The following SPAG16 variants were observed in gnomAD, a reference collection of about 807,000 sequenced individuals.
SPAG16 encodes the protein sperm-associated antigen 16 protein.
Under a neutral mutation model 80.4 loss-of-function variants are expected in SPAG16, and 86 were observed. That is an observed-to-expected ratio of 1.07 (90% confidence interval 0.90 to 1.28). The LOEUF is 1.28. Ranked by LOEUF, SPAG16 falls within the 50% of genes most tolerant of loss-of-function variation. SPAG16 has a pLI of 0.00. For synonymous variants in SPAG16, 294 were observed against 265.9 expected, an observed-to-expected ratio of 1.11 and a Z score of -1.03; for missense variants, 870 against 765.3, an observed-to-expected ratio of 1.14 and a Z score of -1.61.
In SPAG16 at chr2:213,573,229, A is replaced by G. The variant is rs546499275; in HGVS notation, c.1070+83139A>G. Reference sequence around the variant, plus strand: ...GGTCACGCTGGGAGCTGTAGACCGGAGCTGTTCCTATTCGGCCATCTTGGC... The same window carrying G: ...GGTCACGCTGGGAGCTGTAGACCGGGGCTGTTCCTATTCGGCCATCTTGGC... On this transcript the variant is annotated intron_variant, in intron 10 of 15. Transcript: ENST00000331683. Among the ~76,000 whole-genome samples the G allele has an allele frequency of 3.7e-4, 57 of 152,038 alleles. 1 individual carries two copies. In the Middle Eastern group the frequency reaches 0.01, roughly 27 times the overall value.
intron 7 of SPAG16, among the ~76,000 whole-genome samples, chr2:213,358,396 A>G (rs2065789752): frequency 6.6e-6 from 1 of 152,174 alleles, no homozygotes. Flanking sequence ...AGGTACACCA[A>G]TCAAATGTAG....
At chr2:213,416,987 T>C (rs1412631651) in intron 9 of SPAG16, among the ~76,000 whole-genome samples, 1 of 152,196 alleles carries the variant, frequency 6.6e-6, no homozygotes, top group Non-Finnish European at 1.5e-5. Context: ...GGCTCTAAGC[T>C]GTAAGTGTGG....
intron 13 of SPAG16, among the ~76,000 whole-genome samples, chr2:214,067,863 C>A (rs2050605129): frequency 6.6e-6 from 1 of 152,022 alleles, no homozygotes; most frequent in South Asian, 2.1e-4. Context: ...ACCATGTTAG[C>A]TGTAAGTGGG....
chr2:213,749,589 G>A (rs2067991362), intron 10 of SPAG16, among the ~76,000 whole-genome samples: 1 of 152,140 alleles, frequency 6.6e-6, no homozygotes, highest in Non-Finnish European at 1.5e-5. Flanking sequence ...TTCTTCACTT[G>A]AAATGAGAAT....
chr2:214,031,044 T>C (rs978875169), intron 13 of SPAG16, among the ~76,000 whole-genome samples: 4 of 152,178 alleles, frequency 2.6e-5, no homozygotes, highest in Non-Finnish European at 5.9e-5. Flanking sequence ...GTTTCCAGTT[T>C]TTCTGCTCTG....
At chr2:213,807,745 G>A (rs549738810) in intron 10 of SPAG16, among the ~76,000 whole-genome samples, 1 of 152,142 alleles carries the variant, frequency 6.6e-6, no homozygotes, top group South Asian at 2.1e-4. Context: ...TATAGTTAAG[G>A]TGTGCCTTAA....
At chr2:214,368,200 A>G (rs1699605019) in intron 15 of SPAG16, among the ~76,000 whole-genome samples, 2 of 151,996 alleles carry the variant, frequency 1.3e-5, no homozygotes, top group African/African-American at 4.8e-5. Flanking sequence ...CACTAGTTAT[A>G]TGTTTCTTTC....
intron 10 of SPAG16, among the ~76,000 whole-genome samples, chr2:213,794,353 T>C (rs998520606): frequency 1.3e-5 from 2 of 152,116 alleles, no homozygotes; most frequent in Non-Finnish European, 2.9e-5. Context: ...AATATATAAA[T>C]GACTGTTTAA....
At chr2:213,744,285 A>G (rs1370761305) in intron 10 of SPAG16, among the ~76,000 whole-genome samples, 1 of 152,128 alleles carries the variant, frequency 6.6e-6, no homozygotes, top group Admixed American at 6.5e-5. Context: ...CTGAGGATAC[A>G]GTTATATAAT....
At chr2:213,675,915 C>G (rs1207555481) in intron 10 of SPAG16, among the ~76,000 whole-genome samples, 3 of 151,906 alleles carry the variant, frequency 2.0e-5, no homozygotes, top group African/African-American at 7.3e-5. Context: ...TTTTCCAATT[C>G]TGTGAAGAAA....
chr2:213,404,151 C>T (rs1221114613), intron 9 of SPAG16, among the ~76,000 whole-genome samples: 1 of 152,170 alleles, frequency 6.6e-6, no homozygotes, highest in South Asian at 2.1e-4. Flanking sequence ...TTTATAGATT[C>T]AATGCCATCC....
At chr2:213,406,740 G>A (rs1294082599) in intron 9 of SPAG16, among the ~76,000 whole-genome samples, 4 of 152,004 alleles carry the variant, frequency 2.6e-5, no homozygotes, top group African/African-American at 4.8e-5. Context: ...TTTTATATGC[G>A]AGTGCAATTT....
intron 15 of SPAG16, among the ~76,000 whole-genome samples, chr2:214,352,541 T>C (rs1698480337): frequency 6.6e-6 from 1 of 151,376 alleles, no homozygotes; most frequent in African/African-American, 2.4e-5. Flanking sequence ...ATGCTTTTTG[T>C]CCTTGACTTT....
chr2:214,052,442 A>T (rs1001749124), intron 13 of SPAG16, among the ~76,000 whole-genome samples: 5 of 152,232 alleles, frequency 3.3e-5, no homozygotes, highest in Non-Finnish European at 7.3e-5. Flanking sequence ...CCCCTGGGGC[A>T]CAACCAATTC....
At chr2:213,414,583 C>T (rs2069151443) in intron 9 of SPAG16, among the ~76,000 whole-genome samples, 1 of 152,018 alleles carries the variant, frequency 6.6e-6, no homozygotes. Context: ...ACTGTTTTTC[C>T]CTCTAAGTCT....
chr2:214,048,394 T>G (rs997617112), intron 13 of SPAG16, among the ~76,000 whole-genome samples: 1 of 152,164 alleles, frequency 6.6e-6, no homozygotes, highest in Non-Finnish European at 1.5e-5. Flanking sequence ...AATGTCATCT[T>G]CTCACTTGCA....
At chr2:213,650,892 C>T (rs1467174159) in intron 10 of SPAG16, among the ~76,000 whole-genome samples, 1 of 152,046 alleles carries the variant, frequency 6.6e-6, no homozygotes, top group African/African-American at 2.4e-5. Flanking sequence ...CCAATTAATG[C>T]CCCAAATTTG....
At chr2:213,854,777 T>G (rs561085587) in intron 10 of SPAG16, among the ~76,000 whole-genome samples, 11 of 152,402 alleles carry the variant, frequency 7.2e-5, no homozygotes, top group African/African-American at 2.6e-4. Context: ...ACTCACATCT[T>G]ACTTCAGAGC....
intron 15 of SPAG16, among the ~76,000 whole-genome samples, chr2:214,354,688 G>T (rs1234579465): frequency 1.3e-5 from 2 of 151,120 alleles, no homozygotes; most frequent in East Asian, 1.9e-4. Flanking sequence ...GCAGTGGTTT[G>T]TAGTTCTCCT....
Sources: allele counts gnomAD v4.1 joint callset (sites outside exome capture counted in the v4.1 genomes callset), GRCh38; gene constraint gnomAD v4.1.1; transcripts MANE v1.5; gene names NCBI Gene and HGNC (gene_info 2026-07-23, HGNC 2026-07-21).